CHIT1: variants seen among roughly 807,000 people sequenced by gnomAD.
CHIT1 encodes chitinase 1, also known as chitotriosidase-1.
In CHIT1, 47 loss-of-function variants were observed where a neutral mutation model predicts 52.0. The ratio of observed to expected loss-of-function variants is 0.90; its 90% CI spans 0.71 to 1.15. CHIT1 has a LOEUF of 1.15. CHIT1 is among the 50% of genes most tolerant of loss of function. The pLI, the probability that CHIT1 is intolerant of heterozygous loss-of-function variation, is 0.00. For synonymous variants in CHIT1, 242 were observed against 228.2 expected (o/e 1.06, Z -0.54); for missense variants, 569 against 583.0 (o/e 0.98, Z 0.25).
chr1:203,218,065 G>A (rs2102230581), intron 9 of CHIT1, 200 bp from the exon 10 acceptor site: 1 of 1,521,520 alleles, frequency 6.6e-7, no homozygotes, highest in Non-Finnish European at 8.8e-7. Context: ...TCATTTTGCA[G>A]TCTCCTTGTC....
chr1:203,217,909 A>C, intron 9 of CHIT1, 44 bp from the exon 10 acceptor site: 1 of 1,583,716 alleles, frequency 6.3e-7, no homozygotes, highest in South Asian at 1.1e-5. Flanking sequence ...GGGAAGCCTG[A>C]CCCGGCCACC....
At chr1:203,226,008 A>C (rs771026784) in intron 2 of CHIT1, 138 bp from the exon 3 acceptor site, 1 of 925,226 alleles carries the variant, frequency 1.1e-6, no homozygotes, top group Non-Finnish European at 1.7e-6. Context: ...CGACAGGCAG[A>C]AATGGCATTT....
In CHIT1 at chr1:203,217,822, C is replaced by CGGACCATGGCCCCGCCCAGTCCCT. The variant is rs1553274588; in HGVS notation, c.1072_1073insAGGGACTGGGCGGGGCCATGGTCC (p.Trp358delinsTer). 37 of 1,612,362 alleles carry CGGACCATGGCCCCGCCCAGTCCCT rather than the reference C, an allele frequency of 2.3e-5. No individual in the cohort carries two copies. Among genetic ancestry groups the CGGACCATGGCCCCGCCCAGTCCCT allele is most frequent in the Non-Finnish European group, 3.1e-5 (37 of 1,179,302 alleles). ...GGCAAAGTCATCTAAGTCCAGTGCC[C>CGGACCATGGCCCCGCCCAGTCCCT]AGACCATGGCCCCGCCCAGTCCCTT... On this transcript the variant is annotated stop_gained, in exon 10 of 11. Transcript: ENST00000367229. LOFTEE classifies it high-confidence loss of function.
At chr1:203,227,312 T>TCC (rs1366373081) in intron 2 of CHIT1, among the ~76,000 whole-genome samples, 1 of 151,706 alleles carries the variant, frequency 6.6e-6, no homozygotes, top group African/African-American at 2.4e-5. Flanking sequence ...ATTGGTGAAC[T>TCC]CCCCAAAGGA....
At chr1:203,217,916 C>CTG (rs1656596497) in intron 9 of CHIT1, 51 bp from the exon 10 acceptor site, 1 of 1,576,848 alleles carries the variant, frequency 6.3e-7, no homozygotes, top group Non-Finnish European at 8.6e-7. Flanking sequence ...CTGACCCGGC[C>CTG]ACCCCAGAGC....
Position 203,219,953 on chromosome 1 carries a change from G to A in CHIT1, c.730-104C>T, listed in dbSNP as rs964654670. On this transcript the variant is annotated intron_variant, in intron 7 of 10. Transcript: ENST00000367229. The stretch of plus-strand genomic sequence containing the variant: ...GAGCTAGGAGGGCAGGGGCTCCTCA[G>A]CTGGAGCTCTACGGGCCTTTGTTAG... The A allele has an allele frequency of 8.0e-6, 11 of 1,367,160 alleles. No homozygotes were observed. In the African/African-American group the frequency reaches 1.1e-4, roughly 14 times the overall value. 84.7% of individuals were successfully genotyped at this position (1,367,160 alleles called of 1,614,324 possible). A position where few individuals can be genotyped will look rare whatever the true frequency, so the allele number is the denominator to read the frequency against.
intron 6 of CHIT1, 117 bp from the exon 7 acceptor site, chr1:203,222,442 C>G: frequency 1.3e-6 from 2 of 1,497,082 alleles, no homozygotes; most frequent in South Asian, 1.2e-5. Flanking sequence ...GGGTCAGAGG[C>G]AAAGGTGGCA....
chr1:203,229,965 A>G (rs1381907439), upstream of CHIT1: 4 of 418,454 alleles, frequency 9.6e-6, no homozygotes, highest in South Asian at 2.1e-5. Context: ...GGTGAGGACC[A>G]TAAGCAGCCC....
chr1:203,218,067 C>T, intron 9 of CHIT1: 1 of 1,521,518 alleles, frequency 6.6e-7, no homozygotes, highest in Non-Finnish European at 8.8e-7. Context: ...ATTTTGCAGT[C>T]TCCTTGTCTT....
At position 203,216,242 on chromosome 1, in the gene CHIT1, G is replaced by A. The variant is rs1319223614; in HGVS notation, c.*647C>T. On this transcript the variant is annotated 3_prime_UTR_variant, in exon 11 of 11. Coordinates refer to ENST00000367229, the MANE Select transcript of CHIT1 (RefSeq NM_003465.3). ...CTTCTTCATCTGGTGAACGGGGGCAGTAGGTGAGATAGGGCCTGCAAAGGG... is the reference window on the plus strand; with the variant it reads ...CTTCTTCATCTGGTGAACGGGGGCAATAGGTGAGATAGGGCCTGCAAAGGG... The A allele has an allele frequency of 4.4e-6, 2 of 454,146 alleles. No individual in the cohort carries two copies. The highest frequency in any genetic ancestry group is 8.8e-6 in the Non-Finnish European group (2 of 226,804). The allele number at this position is 454,146 out of a possible 1,614,324, so 28.1% of individuals were successfully genotyped here.
intron 7 of CHIT1, among the ~76,000 whole-genome samples, chr1:203,221,490 T>C (rs1390076986): frequency 6.6e-6 from 1 of 151,994 alleles, no homozygotes; most frequent in Non-Finnish European, 1.5e-5. Flanking sequence ...AAAAATTAGC[T>C]GGTCATAGTG....
At chr1:203,221,426 G>A (rs1415778289) in intron 7 of CHIT1, among the ~76,000 whole-genome samples, 2 of 152,024 alleles carry the variant, frequency 1.3e-5, no homozygotes, top group East Asian at 3.9e-4. Flanking sequence ...TTGAGGGCAG[G>A]AGTTTGAGAC....
In CHIT1 at chr1:203,216,454, A is replaced by G. The variant is rs1242899249; in HGVS notation, c.*435T>C. 3.3e-5 allele frequency: 15 copies of G among 455,592 alleles called. No homozygotes were observed. Among genetic ancestry groups the G allele is most frequent in the Admixed American group, 7.0e-5 (3 of 42,578 alleles). The allele number at this position is 455,592 out of a possible 1,614,324, so 28.2% of individuals were successfully genotyped here. ...GCTCCTGTTTCCAGGCTTCTGAGCC[A>G]ATAACCAAAGAACGTGTTGCACTTG... On this transcript the variant is annotated 3_prime_UTR_variant, in exon 11 of 11. Transcript: ENST00000367229.
At chr1:203,223,851 A>T (rs1656832073) in intron 4 of CHIT1, among the ~76,000 whole-genome samples, 191 bp from the exon 5 acceptor site, 1 of 151,928 alleles carries the variant, frequency 6.6e-6, no homozygotes, top group Non-Finnish European at 1.5e-5. Context: ...AGGAAAGGGG[A>T]CCATCCAGAG....
upstream of CHIT1, chr1:203,229,747 CA>C: frequency 8.1e-7 from 1 of 1,236,972 alleles, no homozygotes; most frequent in Non-Finnish European, 1.2e-6. Context: ...CAATCAGGGG[CA>C]CTGGGTGGGG....
intron 9 of CHIT1, chr1:203,218,095 G>C (rs544680955): frequency 4.0e-6 from 6 of 1,492,486 alleles, no homozygotes; most frequent in Non-Finnish European, 5.4e-6. Flanking sequence ...GCATGACCTG[G>C]GGTGGGGTGG....
At chr1:203,220,977 C>T (rs565258049) in intron 7 of CHIT1, among the ~76,000 whole-genome samples, 1 of 152,304 alleles carries the variant, frequency 6.6e-6, no homozygotes, top group African/African-American at 2.4e-5. Context: ...CCCCACTCAC[C>T]TCTCAGCTAA....
In CHIT1 at chr1:203,219,571, T is replaced by G. The variant is rs1232006204; in HGVS notation, c.915+93A>C. On this transcript the variant is annotated intron_variant, in intron 8 of 10. Coordinates refer to ENST00000367229, the MANE Select transcript of CHIT1 (RefSeq NM_003465.3). ...TGGCCAGAATTCTCTGCAATTGGCATCCTTACTCAGAAACGGTGGGAGAAG... is the reference window on the plus strand; with the variant it reads ...TGGCCAGAATTCTCTGCAATTGGCAGCCTTACTCAGAAACGGTGGGAGAAG... 3.5e-6 allele frequency: 5 copies of G among 1,431,078 alleles called. No individual in the cohort carries two copies. In the South Asian group the frequency reaches 5.8e-5, roughly 16 times the overall value. The allele number at this position is 1,431,078 out of a possible 1,614,324, so 88.6% of individuals were successfully genotyped here.
chr1:203,218,058 T>A (rs1011899120), intron 9 of CHIT1, 193 bp from the exon 10 acceptor site: 6 of 1,526,010 alleles, frequency 3.9e-6, no homozygotes, highest in Non-Finnish European at 5.3e-6. Flanking sequence ...ACATCAGTCA[T>A]TTTGCAGTCT....
Sources: gnomAD v4.1 joint callset for allele counts (sites outside exome capture counted in the v4.1 genomes callset) on GRCh38, gnomAD v4.1.1 for gene constraint, MANE v1.5 for transcripts, NCBI Gene and HGNC (gene_info 2026-07-23, HGNC 2026-07-21) for gene names.